PPIP5K1: variants seen among roughly 807,000 people sequenced by gnomAD.
The protein encoded by PPIP5K1 is inositol hexakisphosphate and diphosphoinositol-pentakisphosphate kinase 1.
Under a neutral mutation model 27.7 loss-of-function variants are expected in PPIP5K1, and 6 were observed. That is an observed-to-expected ratio of 0.22 (90% CI 0.12 to 0.43). The LOEUF is 0.43. Among genes scored for constraint, PPIP5K1 ranks in the 20% least tolerant of loss-of-function variants. PPIP5K1 has a pLI of 1.00. For synonymous variants in PPIP5K1, 145 were observed against 242.6 expected (o/e 0.60, Z 3.74); for missense variants, 394 against 635.4 (o/e 0.62, Z 4.08).
intron 30 of PPIP5K1, among the ~76,000 whole-genome samples, chr15:43,542,095 G>A (rs1473430053): frequency 6.6e-6 from 1 of 152,194 alleles, no homozygotes; most frequent in Non-Finnish European, 1.5e-5. Context: ...GGAATGTCTA[G>A]TTCTCCACCA....
intron 30 of PPIP5K1, among the ~76,000 whole-genome samples, chr15:43,552,371 A>C (rs780668770): frequency 6.6e-6 from 1 of 151,798 alleles, no homozygotes; most frequent in Non-Finnish European, 1.5e-5. Context: ...GTATAATCTA[A>C]TTTCCCTTGT....
intron 30 of PPIP5K1, among the ~76,000 whole-genome samples, chr15:43,545,474 CTTTTTT>C (rs56710390): frequency 1.7e-5 from 2 of 119,080 alleles, no homozygotes; most frequent in African/African-American, 6.2e-5. Context: ...CTGTACACTT[CTTTTTT>C]TTTTTTTTTT....
At position 43,533,643 on chromosome 15, in the gene PPIP5K1, A is replaced by C. The variant is rs1182450030; in HGVS notation, c.*1031T>G. 1 of 152,428 alleles carries C rather than the reference A, an allele frequency of 6.6e-6. No homozygotes were observed. Among genetic ancestry groups the C allele is most frequent in the Non-Finnish European group, 1.5e-5 (1 of 67,990 alleles). 9.4% of individuals were successfully genotyped at this position (152,428 alleles called of 1,614,324 possible). On this transcript the variant is annotated 3_prime_UTR_variant, in exon 32 of 32. Transcript: ENST00000420765. Reference sequence around the variant, plus strand: ...TGATATAAGGACAAATTTCTTGGGGACCCTGCAGTGTTTGGTCTTTGGCCA... The same window carrying C: ...TGATATAAGGACAAATTTCTTGGGGCCCCTGCAGTGTTTGGTCTTTGGCCA...
intron 30 of PPIP5K1, among the ~76,000 whole-genome samples, chr15:43,541,647 C>G (rs2140444181): frequency 6.6e-6 from 1 of 151,712 alleles, no homozygotes; most frequent in South Asian, 2.1e-4. Flanking sequence ...AACCTTGAAC[C>G]CGGGAGGCAG....
chr15:43,543,790 A>AT lies in PPIP5K1; in HGVS notation c.3557-4208dup, dbSNP rs530236327. ...ATAATTCCTTATTTGCTACTCTGTA[A>AT]TGCATATATATATATATATAAAATA... On this transcript the variant is annotated intron_variant, in intron 30 of 31. Coordinates refer to ENST00000420765, the MANE Select transcript of PPIP5K1 (RefSeq NM_001394395.1). 3.3e-3 allele frequency among the ~76,000 whole-genome samples: 465 copies of AT among 141,824 alleles called. 1 individual carries two copies. Among genetic ancestry groups the AT allele is most frequent in the Middle Eastern group, 0.011 (3 of 274 alleles). 93.0% of individuals were successfully genotyped at this position (141,824 alleles called of 152,430 possible).
At chr15:43,536,565 T>C (rs2140300070) in intron 31 of PPIP5K1, among the ~76,000 whole-genome samples, 1 of 152,302 alleles carries the variant, frequency 6.6e-6, no homozygotes, top group South Asian at 2.1e-4. Flanking sequence ...TATATAAGAA[T>C]ATTCACACTA....
intron 30 of PPIP5K1, among the ~76,000 whole-genome samples, chr15:43,555,024 ACAAGGTTTCC>A (rs1262522189): frequency 6.6e-6 from 1 of 151,842 alleles, no homozygotes; most frequent in Non-Finnish European, 1.5e-5. Context: ...TTTAGTAGAG[ACAAGGTTTCC>A]CCATGTTGGC....
At chr15:43,536,484 G>A (rs1380980185) in intron 31 of PPIP5K1, among the ~76,000 whole-genome samples, 1 of 151,994 alleles carries the variant, frequency 6.6e-6, no homozygotes, top group East Asian at 1.9e-4. Flanking sequence ...TTTCTACATG[G>A]CAGTTCTTAA....
intron 30 of PPIP5K1, among the ~76,000 whole-genome samples, chr15:43,558,288 T>C (rs475486): frequency 0.27 from 40,857 of 150,254 alleles, 9,578 homozygotes; most frequent in African/African-American, 0.63. Flanking sequence ...AGTGTAGTGG[T>C]GTGATCTCGG....
chr15:43,558,047 T>C (rs1378596331), intron 30 of PPIP5K1, among the ~76,000 whole-genome samples: 2 of 148,224 alleles, frequency 1.3e-5, no homozygotes, highest in Admixed American at 6.7e-5. Flanking sequence ...TGATGTTTAG[T>C]TGGCCTATGC....
intron 10 of PPIP5K1, among the ~76,000 whole-genome samples, chr15:43,579,653 ATTTTTTTT>A (rs1179725070): frequency 1.0e-4 from 3 of 28,782 alleles, no homozygotes; most frequent in African/African-American, 7.6e-4. Flanking sequence ...ATATATATAT[ATTTTTTTT>A]TTTTTTTTTT....
Position 43,549,045 on chromosome 15 carries a change from A to AT in PPIP5K1, c.3557-9463_3557-9462insA, listed in dbSNP as rs1567038975. On this transcript the variant is annotated intron_variant, in intron 30 of 31. Coordinates refer to ENST00000420765, the MANE Select transcript of PPIP5K1 (RefSeq NM_001394395.1). ...TCCATCTCAAAAAAAAAAAAAAAAAAAAAAAAAAAAAATATATATATATAT... is the reference window on the plus strand; with the variant it reads ...TCCATCTCAAAAAAAAAAAAAAAAAATAAAAAAAAAAAATATATATATATAT... Among the ~76,000 whole-genome samples, 17 of 101,634 alleles carry AT rather than the reference A, an allele frequency of 1.7e-4. No homozygotes were observed. In the East Asian group the frequency reaches 1.8e-3, roughly 11 times the overall value. The allele number at this position is 101,634 out of a possible 152,430, so 66.7% of individuals were successfully genotyped here.
intron 30 of PPIP5K1, among the ~76,000 whole-genome samples, chr15:43,542,646 C>T (rs958336610): frequency 2.1e-5 from 2 of 95,658 alleles, no homozygotes; most frequent in Non-Finnish European, 5.3e-5. Context: ...TATATATATT[C>T]AGTGTGTGTG....
At position 43,534,143 on chromosome 15, in the gene PPIP5K1, G is replaced by A. The variant is rs1463373136; in HGVS notation, c.*531C>T. 1.3e-5 allele frequency: 2 copies of A among 152,932 alleles called. No individual in the cohort carries two copies. The highest frequency in any genetic ancestry group is 1.9e-4 in the East Asian group (1 of 5,198). 9.5% of individuals were successfully genotyped at this position (152,932 alleles called of 1,614,324 possible). ...CACATATGGTCTAAGCGTACCTTGA[G>A]AAGTCGTGAACATTTCCCCAGAAAA... On this transcript the variant is annotated 3_prime_UTR_variant, in exon 32 of 32. Coordinates refer to ENST00000420765, the MANE Select transcript of PPIP5K1 (RefSeq NM_001394395.1).
intron 26 of PPIP5K1, among the ~76,000 whole-genome samples, chr15:43,565,587 T>C (rs1315828673): frequency 2.8e-5 from 4 of 144,546 alleles, no homozygotes; most frequent in Non-Finnish European, 4.5e-5. Flanking sequence ...TCTCACTCTG[T>C]TGCCCAGGCT....
chr15:43,580,690 G>A (rs1433501876), intron 10 of PPIP5K1, among the ~76,000 whole-genome samples: 3 of 90,712 alleles, frequency 3.3e-5, no homozygotes, highest in East Asian at 8.6e-4. Context: ...CACCTCCTGC[G>A]TTCAAGCGAT....
chr15:43,553,646 G>GT (rs564313930), intron 30 of PPIP5K1, among the ~76,000 whole-genome samples: 5,712 of 131,298 alleles, frequency 0.044, 154 homozygotes, highest in Non-Finnish European at 0.057. Context: ...TTTTCTGTGT[G>GT]TTTTTTTTTT....
At chr15:43,536,238 G>A (rs554949131) in intron 31 of PPIP5K1, 32 of 407,642 alleles carry the variant, frequency 7.9e-5, no homozygotes, top group South Asian at 6.1e-4. Flanking sequence ...GGCCAACATG[G>A]CAAAACCTTG....
At chr15:43,536,316 G>A (rs2079851029) in intron 31 of PPIP5K1, 2 of 281,278 alleles carry the variant, frequency 7.1e-6, no homozygotes, top group Non-Finnish European at 6.9e-6. Flanking sequence ...CTACTCAGGA[G>A]GCTGAGGCAG....
Sources: allele counts gnomAD v4.1 joint callset (sites outside exome capture counted in the v4.1 genomes callset), GRCh38; gene constraint gnomAD v4.1.1; transcripts MANE v1.5; gene names NCBI Gene and HGNC (gene_info 2026-07-23, HGNC 2026-07-21).